Variants in NAV3 observed in about 807,000 individuals in gnomAD.
The protein encoded by NAV3 is pore membrane and/or filament interacting like protein 1.
A neutral mutation model predicts 244.7 loss-of-function variants in NAV3; 87 were observed. The observed-to-expected ratio is 0.36, with a 90% CI of 0.30 to 0.42. The LOEUF is 0.42. Among genes scored for constraint, NAV3 ranks in the 20% least tolerant of loss-of-function variants. NAV3 has a pLI of 1.00. For synonymous variants in NAV3, 1,126 were observed against 1,042.2 expected (o/e 1.08, Z -1.55); for missense variants, 2,663 against 2,893.3 (o/e 0.92, Z 1.83).
At chr12:77,721,438 A>G (rs2067353051) in intron 2 of NAV3, among the ~76,000 whole-genome samples, 1 of 152,080 alleles carries the variant, frequency 6.6e-6, no homozygotes, top group Non-Finnish European at 1.5e-5. Context: ...TCTTCTTTGT[A>G]TTTGGCTTAC....
intron 1 of NAV3, among the ~76,000 whole-genome samples, chr12:77,922,549 G>A (rs1887814113): frequency 6.6e-6 from 1 of 152,042 alleles, no homozygotes; most frequent in Admixed American, 6.6e-5. Flanking sequence ...GACCTGAACA[G>A]GCCACTCCAA....
intron 12 of NAV3, among the ~76,000 whole-genome samples, chr12:78,062,096 C>T (rs1036348482): frequency 6.6e-6 from 1 of 152,074 alleles, no homozygotes; most frequent in African/African-American, 2.4e-5. Context: ...TTCTGTTATG[C>T]AGTCACATAA....
At chr12:78,164,179 C>T (rs1957682416) in intron 23 of NAV3, among the ~76,000 whole-genome samples, 1 of 152,054 alleles carries the variant, frequency 6.6e-6, no homozygotes, top group Non-Finnish European at 1.5e-5. Flanking sequence ...ATTTAAAAGA[C>T]TTTCAAATTA....
At chr12:77,658,628 CA>C (rs1406375096) in intron 2 of NAV3, among the ~76,000 whole-genome samples, 1 of 151,986 alleles carries the variant, frequency 6.6e-6, no homozygotes, top group Middle Eastern at 3.2e-3. Context: ...CATATGGAAC[CA>C]AAAAGGAGCC....
chr12:77,706,966 T>G (rs1479902654), intron 2 of NAV3, among the ~76,000 whole-genome samples: 1 of 151,774 alleles, frequency 6.6e-6, no homozygotes, highest in Non-Finnish European at 1.5e-5. Flanking sequence ...CGTGCATATT[T>G]CACCTGCTTG....
chr12:78,195,354 T>A (rs1186095553), intron 34 of NAV3, among the ~76,000 whole-genome samples: 3 of 151,596 alleles, frequency 2.0e-5, no homozygotes, highest in East Asian at 3.9e-4. Flanking sequence ...TTCAATCCTT[T>A]TTATTATTAT....
At chr12:77,726,028 A>G (rs761821553) in intron 2 of NAV3, among the ~76,000 whole-genome samples, 7 of 151,488 alleles carry the variant, frequency 4.6e-5, no homozygotes, top group Non-Finnish European at 8.9e-5. Context: ...TAACCGGATA[A>G]TCCAGGACAA....
chr12:77,655,214 T>A (rs2137008042), intron 2 of NAV3, among the ~76,000 whole-genome samples: 1 of 151,984 alleles, frequency 6.6e-6, no homozygotes, highest in Admixed American at 6.6e-5. Flanking sequence ...TTGAAAAAAA[T>A]TTAGACGAAT....
intron 2 of NAV3, among the ~76,000 whole-genome samples, chr12:77,645,558 A>AAC (rs1555189596): frequency 0.02 from 2,938 of 150,348 alleles, 31 homozygotes; most frequent in Middle Eastern, 0.058. Flanking sequence ...AAAAAAAAAA[A>AAC]AACTTTCAAA....
intron 2 of NAV3, among the ~76,000 whole-genome samples, chr12:77,654,288 C>T (rs1424189988): frequency 3.3e-5 from 5 of 152,360 alleles, no homozygotes; most frequent in East Asian, 1.9e-4. Context: ...AAAAATGGCG[C>T]GCCACGAGAT....
chr12:77,975,043 A>G (rs1304405733), intron 5 of NAV3, among the ~76,000 whole-genome samples: 1 of 152,182 alleles, frequency 6.6e-6, no homozygotes, highest in African/African-American at 2.4e-5. Flanking sequence ...ATATATGAAA[A>G]TAATTTAAAG....
At chr12:78,173,840 G>A (rs1958108073) in intron 24 of NAV3, among the ~76,000 whole-genome samples, 1 of 151,238 alleles carries the variant, frequency 6.6e-6, no homozygotes, top group Admixed American at 6.6e-5. Flanking sequence ...ATATGTATAT[G>A]AAGGTGAGGA....
chr12:77,930,856 C>T (rs746764761), intron 1 of NAV3, among the ~76,000 whole-genome samples: 21 of 152,264 alleles, frequency 1.4e-4, no homozygotes, highest in South Asian at 6.2e-4. Context: ...TCCAGAATTT[C>T]ATAGGAATTT....
At chr12:78,177,570 C>A (rs1354952734) in intron 27 of NAV3, 50 bp from the exon 28 acceptor site, 1 of 1,518,948 alleles carries the variant, frequency 6.6e-7, no homozygotes, top group Non-Finnish European at 9.0e-7. Context: ...ATTCTCACTT[C>A]TTTTCATGGG....
rs559174142 is a variant in NAV3 at position 77,706,714 on chromosome 12, C to CA, written c.72+134455dup. Among the ~76,000 whole-genome samples the CA allele has an allele frequency of 4.0e-5, 6 of 149,686 alleles. No individual in the cohort carries two copies. In the South Asian group the frequency reaches 8.4e-4, roughly 21 times the overall value. ...TGAAACCCCGTCTCTAATAAAAATA[C>CA]AAAAAAATTAGCAGGGCGTGGTGGC... On this transcript the variant is annotated intron_variant, in intron 2 of 8. Coordinates refer to the NAV3 transcript ENST00000550042.
chr12:77,926,113 T>C (rs1888191058), intron 1 of NAV3, among the ~76,000 whole-genome samples: 1 of 152,204 alleles, frequency 6.6e-6, no homozygotes, highest in Non-Finnish European at 1.5e-5. Context: ...TTATTTCCAT[T>C]ACTTTTCACA....
At position 78,001,910 on chromosome 12, in the gene NAV3, G is replaced by A. The variant is rs531443704; in HGVS notation, c.880+3434G>A. Reference sequence around the variant, plus strand: ...TCTTCTCCTGATGACCTGCCATTCAGAAACTGACAATGAATAATACACTCT... The same window carrying A: ...TCTTCTCCTGATGACCTGCCATTCAAAAACTGACAATGAATAATACACTCT... On this transcript the variant is annotated intron_variant, in intron 7 of 39. Coordinates refer to ENST00000397909, the MANE Select transcript of NAV3 (RefSeq NM_001024383.2). 1.2e-4 allele frequency among the ~76,000 whole-genome samples: 18 copies of A among 152,298 alleles called. No individual in the cohort carries two copies. In the South Asian group the frequency reaches 3.7e-3, roughly 32 times the overall value.
At chr12:78,107,998 C>T (rs1050995382) in intron 12 of NAV3, among the ~76,000 whole-genome samples, 3 of 151,998 alleles carry the variant, frequency 2.0e-5, no homozygotes, top group Non-Finnish European at 4.4e-5. Flanking sequence ...ATTACATTCT[C>T]CACCTAAACG....
intron 30 of NAV3, among the ~76,000 whole-genome samples, chr12:78,184,961 A>G (rs1206968663): frequency 6.6e-6 from 1 of 151,842 alleles, no homozygotes; most frequent in Non-Finnish European, 1.5e-5. Flanking sequence ...TTTTAAAGGT[A>G]GCTAACTTTA....
Sources: gnomAD v4.1 joint callset for allele counts (sites outside exome capture counted in the v4.1 genomes callset) on GRCh38, gnomAD v4.1.1 for gene constraint, MANE v1.5 for transcripts, NCBI Gene and HGNC (gene_info 2026-07-23, HGNC 2026-07-21) for gene names.